Variants in TRIP4 observed in about 807,000 individuals in gnomAD.
TRIP4 encodes the protein activating signal cointegrator 1.
In TRIP4, 54 loss-of-function variants were observed where a neutral mutation model predicts 81.8. The ratio of observed to expected loss-of-function variants is 0.66; its 90% confidence interval spans 0.53 to 0.83. The LOEUF is 0.83. Ranked by LOEUF, TRIP4 falls within the 40% of genes least tolerant of loss-of-function variation. TRIP4 has a pLI of 0.00. For synonymous variants in TRIP4, 270 were observed against 242.8 expected (o/e 1.11, Z -1.04); for missense variants, 662 against 683.6 (o/e 0.97, Z 0.35).
At chr15:64,413,686 C>G (rs779882063) in intron 7 of TRIP4, among the ~76,000 whole-genome samples, 20 of 152,130 alleles carry the variant, frequency 1.3e-4, no homozygotes, top group Non-Finnish European at 1.5e-4. Context: ...TCCGCAGTTT[C>G]AAGTGATTCT....
chr15:64,442,580 T>G (rs1892541011), intron 11 of TRIP4, among the ~76,000 whole-genome samples: 1 of 149,500 alleles, frequency 6.7e-6, no homozygotes, highest in South Asian at 2.1e-4. Flanking sequence ...CCACCGCACC[T>G]AGCCAGAGAA....
chr15:64,422,490 C>A (rs769146087), intron 9 of TRIP4, among the ~76,000 whole-genome samples: 10 of 152,168 alleles, frequency 6.6e-5, no homozygotes, highest in Non-Finnish European at 1.3e-4. Context: ...CTTGCTTTGG[C>A]TCCTAATTGT....
At position 64,454,991 on chromosome 15, in the gene TRIP4, T is replaced by C; in HGVS notation, c.1679-6T>C. The stretch of plus-strand genomic sequence containing the variant: ...AAATAATGAGACTTATTTTTCTCCC[T>C]TACAGGGAAATTGGATTCCAAGATC... On this transcript the variant is annotated splice_polypyrimidine_tract_variant and splice_region_variant and intron_variant, in intron 12 of 12. Coordinates refer to ENST00000261884, the MANE Select transcript of TRIP4 (RefSeq NM_016213.5). 6.2e-7 allele frequency: 1 copy of C among 1,613,736 alleles called. No homozygotes were observed. The highest frequency in any genetic ancestry group is 2.2e-5 in the East Asian group (1 of 44,836).
chr15:64,439,960 G>C (rs1337231147), intron 11 of TRIP4, among the ~76,000 whole-genome samples: 2 of 152,114 alleles, frequency 1.3e-5, no homozygotes, highest in Non-Finnish European at 2.9e-5. Context: ...GAGGCTTGAA[G>C]ATTTGGTGAA....
intron 1 of TRIP4, among the ~76,000 whole-genome samples, chr15:64,389,589 G>C (rs1900057021): frequency 6.6e-6 from 1 of 151,952 alleles, no homozygotes; most frequent in East Asian, 1.9e-4. Context: ...GTCAGATTAA[G>C]TATTTAGTAG....
At chr15:64,409,919 A>T in intron 7 of TRIP4, 91 bp downstream of exon 7, 1 of 1,185,690 alleles carries the variant, frequency 8.4e-7, no homozygotes, top group East Asian at 2.5e-5. Flanking sequence ...ATTTTTGTTG[A>T]TTTAAAAAAT....
intron 9 of TRIP4, among the ~76,000 whole-genome samples, chr15:64,422,010 TA>T (rs902863495): frequency 1.4e-5 from 2 of 147,402 alleles, no homozygotes; most frequent in African/African-American, 5.1e-5. Flanking sequence ...GCCTGGGTGA[TA>T]GAGTGAGACT....
chr15:64,424,168 T>C lies in TRIP4; in HGVS notation c.1483+13T>C. On this transcript the variant is annotated intron_variant, in intron 10 of 12. Coordinates refer to ENST00000261884, the MANE Select transcript of TRIP4 (RefSeq NM_016213.5). ...CTTCGTGGGAAAGGTAACAGCCGCA[T>C]ATTCTCCTTTCAATTTTACTTTATG... 6.2e-7 allele frequency: 1 copy of C among 1,613,940 alleles called. No homozygotes were observed. The highest frequency in any genetic ancestry group is 8.5e-7 in the Non-Finnish European group (1 of 1,179,914).
intron 12 of TRIP4, among the ~76,000 whole-genome samples, chr15:64,445,542 G>A (rs767134722): frequency 1.3e-5 from 2 of 151,220 alleles, no homozygotes; most frequent in African/African-American, 2.4e-5. Flanking sequence ...TGCCTGTAGC[G>A]CCTGTAGTCT....
chr15:64,396,333 G>A (rs2140282636), intron 3 of TRIP4, among the ~76,000 whole-genome samples: 1 of 125,892 alleles, frequency 7.9e-6, no homozygotes, highest in Admixed American at 1.0e-4. Flanking sequence ...CTGGAGTGCA[G>A]TGGCGCAATC....
At chr15:64,444,848 G>T in intron 11 of TRIP4, 158 bp from the exon 12 acceptor site, 1 of 493,996 alleles carries the variant, frequency 2.0e-6, no homozygotes, top group Non-Finnish European at 3.6e-6. Flanking sequence ...GTAGAAAGGT[G>T]AAGGTTTGTT....
chr15:64,436,653 T>A (rs1166383221), intron 11 of TRIP4, among the ~76,000 whole-genome samples: 1 of 142,642 alleles, frequency 7.0e-6, no homozygotes, highest in South Asian at 2.4e-4. Context: ...ATTTCCTCCC[T>A]AACAGGATTA....
At chr15:64,404,313 T>A (rs1366740629) in intron 5 of TRIP4, among the ~76,000 whole-genome samples, 1 of 152,112 alleles carries the variant, frequency 6.6e-6, no homozygotes, top group Non-Finnish European at 1.5e-5. Context: ...TATTATTTTT[T>A]ATTTTTATTT....
intron 9 of TRIP4, among the ~76,000 whole-genome samples, chr15:64,419,623 G>T (rs1438612955): frequency 6.6e-6 from 1 of 151,998 alleles, no homozygotes; most frequent in Non-Finnish European, 1.5e-5. Flanking sequence ...CTCCCAAAGT[G>T]CTGGGATTAC....
intron 7 of TRIP4, among the ~76,000 whole-genome samples, chr15:64,413,276 G>A (rs1348925098): frequency 9.3e-5 from 14 of 151,336 alleles, no homozygotes; most frequent in Non-Finnish European, 1.9e-4. Context: ...GAACTCCTGG[G>A]CTCAAGTGAT....
intron 7 of TRIP4, among the ~76,000 whole-genome samples, 175 bp downstream of exon 7, chr15:64,410,003 A>G (rs1247511164): frequency 6.6e-6 from 1 of 150,888 alleles, no homozygotes; most frequent in African/African-American, 2.4e-5. Context: ...CTACCAGATA[A>G]TTACTGATTT....
chr15:64,405,128 T>C (rs1304129959), intron 5 of TRIP4, among the ~76,000 whole-genome samples: 9 of 152,130 alleles, frequency 5.9e-5, no homozygotes, highest in African/African-American at 1.9e-4. Context: ...GCTCAGATTT[T>C]GTTTCTATGG....
At chr15:64,454,707 C>A (rs1337364881) in intron 12 of TRIP4, among the ~76,000 whole-genome samples, 1 of 152,236 alleles carries the variant, frequency 6.6e-6, no homozygotes, top group Middle Eastern at 3.4e-3. Context: ...AGCATCAAAC[C>A]CCTTAAAAAT....
At chr15:64,436,021 G>A (rs976556780) in intron 11 of TRIP4, among the ~76,000 whole-genome samples, 32 of 152,088 alleles carry the variant, frequency 2.1e-4, no homozygotes, top group Middle Eastern at 6.8e-3. Flanking sequence ...CAGGCTGGGC[G>A]GGGTGGCTCA....
Sources: allele counts gnomAD v4.1 joint callset (sites outside exome capture counted in the v4.1 genomes callset), GRCh38; gene constraint gnomAD v4.1.1; transcripts MANE v1.5; gene names NCBI Gene and HGNC (gene_info 2026-07-23, HGNC 2026-07-21).